Variants in CA10 observed in about 807,000 individuals in gnomAD.
CA10 encodes the protein carbonic anhydrase 10 (inactive), also known as carbonic anhydrase-related protein 10.
A neutral mutation model predicts 44.2 loss-of-function variants in CA10; 14 were observed. The ratio of observed to expected loss-of-function variants is 0.32; its 90% CI spans 0.21 to 0.50. The LOEUF is 0.50. Ranked by LOEUF, CA10 falls within the 20% of genes least tolerant of loss-of-function variation. The pLI is 0.99. For missense variants in CA10, 350 were observed against 409.7 expected, an observed-to-expected ratio of 0.85 and a Z score of 1.26; for synonymous variants, 159 against 141.6, an observed-to-expected ratio of 1.12 and a Z score of -0.87.
intron 1 of CA10, among the ~76,000 whole-genome samples, chr17:52,104,524 G>A (rs1317961230): frequency 6.6e-6 from 1 of 152,118 alleles, no homozygotes. Context: ...GTTCTTAGCT[G>A]TCTTTCTCAA....
intron 2 of CA10, among the ~76,000 whole-genome samples, chr17:52,033,886 CATGA>C (rs1302206191): frequency 6.6e-6 from 1 of 152,152 alleles, no homozygotes; most frequent in Non-Finnish European, 1.5e-5. Context: ...TTTGCCACAA[CATGA>C]ATGATCCTAG....
At chr17:51,819,940 C>T (rs181796818) in intron 3 of CA10, among the ~76,000 whole-genome samples, 19 of 152,230 alleles carry the variant, frequency 1.2e-4, no homozygotes, top group Admixed American at 1.2e-3. Context: ...GTTTATCCCC[C>T]TCTCTGTCTC....
At chr17:51,703,701 G>T (rs1310315332) in intron 4 of CA10, among the ~76,000 whole-genome samples, 1 of 152,158 alleles carries the variant, frequency 6.6e-6, no homozygotes, top group African/African-American at 2.4e-5. Flanking sequence ...CAAAGGATGG[G>T]CTCCTGAGGA....
At chr17:51,672,497 A>G (rs1172313748) in intron 4 of CA10, among the ~76,000 whole-genome samples, 1 of 152,188 alleles carries the variant, frequency 6.6e-6, no homozygotes, top group Non-Finnish European at 1.5e-5. Flanking sequence ...GGGGTTAGGT[A>G]ATAACATTTT....
intron 3 of CA10, among the ~76,000 whole-genome samples, chr17:51,749,042 A>G (rs1389823461): frequency 6.6e-6 from 1 of 152,202 alleles, no homozygotes; most frequent in Admixed American, 6.5e-5. Context: ...AGGTTGAAAT[A>G]GTGGATTCCC....
chr17:51,745,632 C>T lies in CA10; in HGVS notation c.465+2001G>A, dbSNP rs142471286. 3.0e-3 allele frequency among the ~76,000 whole-genome samples: 459 copies of T among 152,248 alleles called. 5 individuals are homozygous for T. Among genetic ancestry groups the T allele is most frequent in the African/African-American group, 0.01 (433 of 41,530 alleles). ...AGGATTTTGGAAGCACTCATTTACT[C>T]TAAAATTGTGGTTCACGTATAAGTT... On this transcript the variant is annotated intron_variant, in intron 4 of 8. Transcript: ENST00000451037.
At position 51,930,997 on chromosome 17, in the gene CA10, C is replaced by T. The variant is rs916246853; in HGVS notation, c.272G>A (p.Gly91Asp). 4 of 1,613,018 alleles carry T rather than the reference C, an allele frequency of 2.5e-6. No homozygotes were observed. The highest frequency in any genetic ancestry group is 1.7e-4 in the Middle Eastern group (1 of 6,050). Reference sequence around the variant, plus strand: ...AGCAATATGGTGGCTTACCTTCCTGCCCCCCGTGTTGATGCGAAGAGGTGT... The same window carrying T: ...AGCAATATGGTGGCTTACCTTCCTGTCCCCCGTGTTGATGCGAAGAGGTGT... ...FLTPLRINTGGRKVSGTMYNT... is the reference protein window; with the variant it reads ...FLTPLRINTGDRKVSGTMYNT... Residue 91 changes from glycine to aspartate, a missense_variant, in exon 3 of 9, where the codon GGC (glycine) becomes GAC (aspartate). Physicochemically the swap from Gly to Asp is moderately conservative, Grantham distance 94. Transcript: ENST00000451037.
chr17:51,656,822 A>G (rs1913812713), intron 4 of CA10, among the ~76,000 whole-genome samples: 1 of 152,212 alleles, frequency 6.6e-6, no homozygotes, highest in Non-Finnish European at 1.5e-5. Context: ...GTGCTGCTAT[A>G]GCAGATACTG....
rs997951689 is a variant in CA10, at chr17:51,718,675, A to G, written c.465+28958T>C. On this transcript the variant is annotated intron_variant, in intron 4 of 8. Coordinates refer to ENST00000451037, the MANE Select transcript of CA10 (RefSeq NM_020178.5). ...ACATGGGTTACAACCTGTGCTTATT[A>G]TTTGGCCTCTGAAGTGGGGGGAAAA... 1.2e-4 allele frequency among the ~76,000 whole-genome samples: 19 copies of G among 152,272 alleles called. No individual in the cohort carries two copies. In the East Asian group the frequency reaches 3.7e-3, roughly 29 times the overall value.
intron 1 of CA10, among the ~76,000 whole-genome samples, 181 bp downstream of exon 1, chr17:52,157,545 C>A (rs1389207434): frequency 1.6e-5 from 2 of 123,000 alleles, no homozygotes; most frequent in African/African-American, 6.6e-5. Flanking sequence ...CCCCGCAAAA[C>A]ACACACATTC....
chr17:51,941,403 A>G (rs907981286), intron 2 of CA10, among the ~76,000 whole-genome samples: 13 of 152,168 alleles, frequency 8.5e-5, no homozygotes, highest in African/African-American at 2.9e-4. Context: ...TAACAGTTGT[A>G]TTAAGCATTA....
intron 1 of CA10, among the ~76,000 whole-genome samples, chr17:52,081,115 G>T (rs948676039): frequency 6.6e-6 from 1 of 152,090 alleles, no homozygotes; most frequent in East Asian, 1.9e-4. Context: ...ACAGAGAAAA[G>T]GAAAGAACTG....
chr17:51,885,680 C>A (rs1258632246), intron 3 of CA10, among the ~76,000 whole-genome samples: 2 of 152,144 alleles, frequency 1.3e-5, no homozygotes, highest in Non-Finnish European at 2.9e-5. Context: ...GGTGTAGAAT[C>A]ATGACAACAC....
chr17:52,028,453 A>C lies in CA10; in HGVS notation c.136+43866T>G, dbSNP rs80040687. Among the ~76,000 whole-genome samples, 1,294 of 152,266 alleles carry C rather than the reference A, an allele frequency of 8.5e-3. 16 individuals are homozygous for C. The highest frequency in any genetic ancestry group is 0.027 in the African/African-American group (1,131 of 41,564). ...AACACTTCATGCTTTGTGGCATTTC[A>C]GTGAAATTGGAATTGTAAAATAATG... On this transcript the variant is annotated intron_variant, in intron 2 of 8. Coordinates refer to ENST00000451037, the MANE Select transcript of CA10 (RefSeq NM_020178.5).
intron 2 of CA10, among the ~76,000 whole-genome samples, chr17:52,037,044 T>C (rs1188407282): frequency 6.6e-6 from 1 of 151,886 alleles, no homozygotes; most frequent in Admixed American, 6.6e-5. Context: ...GAGGAGAGAA[T>C]GATTAAGACA....
At chr17:51,888,063 C>G (rs538908422) in intron 3 of CA10, among the ~76,000 whole-genome samples, 1 of 151,634 alleles carries the variant, frequency 6.6e-6, no homozygotes, top group Non-Finnish European at 1.5e-5. Flanking sequence ...ACAAAAAAAA[C>G]TGTGTGTGAT....
chr17:51,742,907 A>T (rs56395820), intron 4 of CA10, among the ~76,000 whole-genome samples: 1,594 of 152,316 alleles, frequency 0.01, 37 homozygotes, highest in African/African-American at 0.035. Flanking sequence ...AATGCTATCT[A>T]GTGAGAGCTA....
Position 51,903,172 on chromosome 17 carries a change from G to C in CA10, c.279+27818C>G, listed in dbSNP as rs191524974. Among the ~76,000 whole-genome samples the C allele has an allele frequency of 9.9e-5, 15 of 152,186 alleles. 2 individuals are homozygous for C. Among genetic ancestry groups the C allele is most frequent in the Admixed American group, 9.8e-4 (15 of 15,272 alleles). ...ATAAATATGGCAAAGGATAGTTAGTGGTGTAAGAAGCATGTGATCTAGGGT... is the reference window on the plus strand; with the variant it reads ...ATAAATATGGCAAAGGATAGTTAGTCGTGTAAGAAGCATGTGATCTAGGGT... On this transcript the variant is annotated intron_variant, in intron 3 of 8. Coordinates refer to ENST00000451037, the MANE Select transcript of CA10 (RefSeq NM_020178.5).
At chr17:51,913,722 G>A (rs1981879621) in intron 3 of CA10, among the ~76,000 whole-genome samples, 1 of 152,056 alleles carries the variant, frequency 6.6e-6, no homozygotes, top group African/African-American at 2.4e-5. Flanking sequence ...TGTGCAGAAG[G>A]GATGACCCTG....
Sources: allele counts gnomAD v4.1 joint callset (sites outside exome capture counted in the v4.1 genomes callset), GRCh38; gene constraint gnomAD v4.1.1; transcripts MANE v1.5; gene names NCBI Gene and HGNC (gene_info 2026-07-23, HGNC 2026-07-21).